CDHR2: variants seen among roughly 807,000 people sequenced by gnomAD.
The protein encoded by CDHR2 is cadherin-related family member 2.
A neutral mutation model predicts 138.6 loss-of-function variants in CDHR2; 104 were observed. That is an observed-to-expected ratio of 0.75 (90% confidence interval 0.64 to 0.88). CDHR2 has a LOEUF of 0.88. Ranked by LOEUF, CDHR2 falls within the 40% of genes least tolerant of loss-of-function variation. CDHR2 has a pLI of 0.00. For missense variants in CDHR2, 1,624 were observed against 1,727.6 expected (o/e 0.94, Z 1.06); for synonymous variants, 755 against 742.8 (o/e 1.02, Z -0.27).
upstream of CDHR2, among the ~76,000 whole-genome samples, chr5:176,548,538 G>A (rs1457020334): frequency 6.6e-6 from 1 of 152,120 alleles, no homozygotes; most frequent in Admixed American, 6.5e-5. Context: ...TTAGGAGTTC[G>A]AGACCAGCCT....
intron 1 of CDHR2, among the ~76,000 whole-genome samples, chr5:176,544,328 T>A (rs1453725965): frequency 6.6e-6 from 1 of 151,898 alleles, no homozygotes; most frequent in Non-Finnish European, 1.5e-5. Flanking sequence ...TCTTTCTTTC[T>A]TTTCCTTCCT....
rs781700796 is a variant in CDHR2 at position 176,578,466 on chromosome 5, A to G, written c.1676A>G (p.Gln559Arg). 1.5e-5 allele frequency: 24 copies of G among 1,613,822 alleles called. No homozygotes were observed. The highest frequency in any genetic ancestry group is 1.9e-5 in the Non-Finnish European group (23 of 1,179,870). The stretch of plus-strand genomic sequence containing the variant: ...CAGGCCGTGTACTACCTGACGCTGC[A>G]GGCCACAGACGGCGGGAACCTGTCC... Reference protein sequence around the residue: ...ESQAVYYLTLQATDGGNLSSS... With the variant: ...ESQAVYYLTLRATDGGNLSSS... The change falls in exon 16 of 32, where the codon CAG (glutamine) becomes CGG (arginine). Residue 559 changes from glutamine to arginine, a missense_variant. Gln to Arg is a conservative substitution (Grantham distance 43). Transcript: ENST00000261944.
chr5:176,568,449 C>T lies in CDHR2; in HGVS notation c.125-229C>T, dbSNP rs184455706. On this transcript the variant is annotated intron_variant, in intron 3 of 31. Coordinates refer to ENST00000261944, the MANE Select transcript of CDHR2 (RefSeq NM_017675.6). ...GGCTTGGCAAGGGGAGGGGTAGATG[C>T]CTGGGTACAGCCCCCGCCCCCTGCA... is the stretch of plus-strand genomic sequence containing the variant. 5.3e-3 allele frequency among the ~76,000 whole-genome samples: 813 copies of T among 152,358 alleles called. 12 individuals are homozygous for T. The highest frequency in any genetic ancestry group is 0.019 in the African/African-American group (783 of 41,580).
At chr5:176,594,760 G>A (rs1215057036) in intron 31 of CDHR2, among the ~76,000 whole-genome samples, 1 of 152,224 alleles carries the variant, frequency 6.6e-6, no homozygotes, top group Non-Finnish European at 1.5e-5. Flanking sequence ...TGGGGAGGGC[G>A]GTGGTGGCCG....
Position 176,578,067 on chromosome 5 carries a change from A to G in CDHR2, c.1546A>G (p.Ile516Val), listed in dbSNP as rs780209130. The G allele has an allele frequency of 1.2e-6, 2 of 1,612,896 alleles. No homozygotes were observed. The highest frequency in any genetic ancestry group is 1.7e-6 in the Non-Finnish European group (2 of 1,179,134). Residue 516 changes from isoleucine to valine, a missense_variant, in exon 15 of 32, where the codon ATT becomes GTT. Around this residue, in one of 3 missense-constraint regions of CDHR2, gnomAD observed 1,061 missense variants for 1,136.6 expected, o/e 0.93. Transcript: ENST00000261944. Reference sequence around the variant, plus strand: ...CCCAGACACGGGCGCGTGGGGCCAAATTACCTACAGCCTGCTCCCAGGAAA... The same window carrying G: ...CCCAGACACGGGCGCGTGGGGCCAAGTTACCTACAGCCTGCTCCCAGGAAA... ...TDPDTGAWGQ[I>V]TYSLLPGNGA... is the part of the protein sequence containing the mutation.
intron 1 of CDHR2, among the ~76,000 whole-genome samples, chr5:176,555,858 C>T (rs1757809274): frequency 6.6e-6 from 1 of 152,098 alleles, no homozygotes; most frequent in Admixed American, 6.5e-5. Context: ...CCGAGATCGC[C>T]CCACTGCCCT....
intron 21 of CDHR2, among the ~76,000 whole-genome samples, chr5:176,587,197 C>T (rs1326109790): frequency 6.6e-6 from 1 of 152,182 alleles, no homozygotes; most frequent in East Asian, 1.9e-4. Flanking sequence ...CCTGTAATCC[C>T]AGCACTTTGG....
chr5:176,587,584 G>A (rs891457653), intron 21 of CDHR2, among the ~76,000 whole-genome samples: 9 of 152,300 alleles, frequency 5.9e-5, no homozygotes, highest in South Asian at 4.1e-4. Context: ...CCACACCACC[G>A]AGGGCTGGGC....
Position 176,578,322 on chromosome 5 carries a change from G to T in CDHR2, c.1575-43G>T, listed in dbSNP as rs962870867. The T allele has an allele frequency of 3.2e-6, 5 of 1,561,804 alleles. No individual in the cohort carries two copies. The South Asian group carries it at 4.6e-5, about 14-fold the overall frequency. On this transcript the variant is annotated intron_variant, in intron 15 of 31. Coordinates refer to ENST00000261944, the MANE Select transcript of CDHR2 (RefSeq NM_017675.6). ...ATATCTGAAATTCACACTGAAATGGGCATCCTGTGTCTCTATTTGCTGAAC... is the reference window on the plus strand; with the variant it reads ...ATATCTGAAATTCACACTGAAATGGTCATCCTGTGTCTCTATTTGCTGAAC...
At chr5:176,547,144 A>AT (rs1301761648), upstream of CDHR2, among the ~76,000 whole-genome samples, 2 of 152,032 alleles carry the variant, frequency 1.3e-5, no homozygotes, top group Non-Finnish European at 2.9e-5. Flanking sequence ...GTGCACAGCT[A>AT]TTTTTTGTAT....
At chr5:176,568,637 G>T in intron 3 of CDHR2, 41 bp from the exon 4 acceptor site, 1 of 1,607,566 alleles carries the variant, frequency 6.2e-7, no homozygotes, top group Non-Finnish European at 8.5e-7. Context: ...AGCACTGAAA[G>T]GGTGGCTGTG....
At chr5:176,578,301 C>A in intron 15 of CDHR2, 64 bp from the exon 16 acceptor site, 1 of 1,482,876 alleles carries the variant, frequency 6.7e-7, no homozygotes, top group Non-Finnish European at 9.3e-7. Flanking sequence ...TGTTGTATAT[C>A]TGAAATTCAC....
chr5:176,549,702 A>C (rs1561863596), intron 1 of CDHR2, among the ~76,000 whole-genome samples: 1 of 152,074 alleles, frequency 6.6e-6, no homozygotes, highest in Non-Finnish European at 1.5e-5. Flanking sequence ...GGAGGCAGGC[A>C]CCCCAGGGAA....
chr5:176,581,635 A>T, intron 17 of CDHR2, 53 bp downstream of exon 17: 5 of 1,594,568 alleles, frequency 3.1e-6, no homozygotes, highest in Non-Finnish European at 4.3e-6. Flanking sequence ...GCCGATAGCC[A>T]GCCCCTCCAG....
In CDHR2 at chr5:176,575,978, C is replaced by A. The variant is rs142354187; in HGVS notation, c.987C>A (p.Tyr329Ter). Residue 329 changes from tyrosine to a stop codon, truncating the protein, a stop_gained, in exon 12 of 32, where the codon TAC becomes TAA. Transcript: ENST00000261944. LOFTEE classifies it high-confidence loss of function. ...VTATETHLNI[Y>*]GQEAKVSIWV... ...CCACCGAGACACACCTCAACATCTA[C>A]GGGCAGGAGGCCAAGGTGAGCATCT... The A allele has an allele frequency of 3.1e-6, 5 of 1,613,904 alleles. No individual in the cohort carries two copies. The highest frequency in any genetic ancestry group is 4.2e-6 in the Non-Finnish European group (5 of 1,179,940).
chr5:176,578,877 C>A (rs996239714), intron 16 of CDHR2, among the ~76,000 whole-genome samples: 5 of 152,074 alleles, frequency 3.3e-5, no homozygotes, highest in Non-Finnish European at 7.4e-5. Flanking sequence ...TATTTACCCA[C>A]CTGCCCCACT....
chr5:176,590,289 C>T lies in CDHR2; in HGVS notation c.3312C>T (p.Val1104=), dbSNP rs1230146439. 2.5e-6 allele frequency: 4 copies of T among 1,614,180 alleles called. No homozygotes were observed. Among genetic ancestry groups the T allele is most frequent in the East Asian group, 4.5e-5 (2 of 44,870 alleles). Residue 1104 remains valine, a synonymous_variant, in exon 26 of 32, where the codon GTC becomes GTT. Transcript: ENST00000261944. ...RPHSYLDAYF[V]FPNGSALTLD... The stretch of plus-strand genomic sequence containing the variant: ...ACTCCTACCTCGATGCCTACTTTGT[C>T]TTCCCCAATGGGTCAGCCCTGACCC...
chr5:176,590,032 C>T, intron 24 of CDHR2, 46 bp from the exon 25 acceptor site: 1 of 1,514,810 alleles, frequency 6.6e-7, no homozygotes, highest in South Asian at 1.1e-5. Flanking sequence ...TGGCCACAGG[C>T]CCAGGCTAAG....
intron 1 of CDHR2, among the ~76,000 whole-genome samples, chr5:176,550,364 C>G (rs1214783035): frequency 6.6e-6 from 1 of 152,232 alleles, no homozygotes; most frequent in African/African-American, 2.4e-5. Context: ...GCCATAGGCA[C>G]TGGGAGGGCC....
Sources: gnomAD v4.1 joint callset for allele counts (sites outside exome capture counted in the v4.1 genomes callset) on GRCh38, gnomAD v4.1.1 for gene constraint, gnomAD v4.1.1 regional missense constraint, MANE v1.5 for transcripts, NCBI Gene and HGNC (gene_info 2026-07-23, HGNC 2026-07-21) for gene names.